Variants in EIF3L observed in about 807,000 individuals in gnomAD.
EIF3L encodes eukaryotic translation initiation factor 3 subunit L, also known as eIEF associated protein HSPC021.
A neutral mutation model predicts 74.6 loss-of-function variants in EIF3L; 32 were observed. The observed-to-expected ratio is 0.43, with a 90% CI of 0.32 to 0.58. The LOEUF (loss-of-function observed/expected upper bound fraction) is 0.58. Ranked by LOEUF, EIF3L falls within the 20% of genes least tolerant of loss-of-function variation. The probability of loss-of-function intolerance (pLI) is 0.06; values close to 1 mark genes in which losing one functional copy is unlikely to be tolerated. For missense variants in EIF3L, 474 were observed against 707.8 expected, an observed-to-expected ratio of 0.67 and a Z score of 3.75; for synonymous variants, 256 against 254.4, an observed-to-expected ratio of 1.01 and a Z score of -0.06.
intron 7 of EIF3L, among the ~76,000 whole-genome samples, chr22:37,867,080 C>G (rs1243428879): frequency 6.6e-6 from 1 of 152,002 alleles, no homozygotes; most frequent in Non-Finnish European, 1.5e-5. Flanking sequence ...CTTTATGGTC[C>G]AGGCTGGAGT....
rs1206886812 is a variant in EIF3L, at chr22:37,855,592, C to A, written c.321C>A (p.Phe107Leu). The A allele has an allele frequency of 1.2e-6, 2 of 1,614,144 alleles. No homozygotes were observed. Among genetic ancestry groups the A allele is most frequent in the Non-Finnish European group, 1.7e-6 (2 of 1,180,014 alleles). ...GGACCAAGCTGACTGAAAGATTCTT[C>A]AAGAATACACCTTGGCCCGAGGCTG... ...NSWTKLTERF[F>L]KNTPWPEAEA... is the part of the protein sequence containing the mutation. The change falls in exon 4 of 13, where the codon TTC becomes TTA. Residue 107 changes from phenylalanine (F) to leucine (L), a missense_variant. Phe to Leu is a conservative substitution (Grantham distance 22). This residue lies in a region of EIF3L where 141 missense variants were observed against 197.7 expected (regional missense o/e 0.71). Transcript: ENST00000652021.
intron 11 of EIF3L, 144 bp downstream of exon 11, chr22:37,878,315 T>C: frequency 2.8e-6 from 3 of 1,056,026 alleles, no homozygotes; most frequent in Non-Finnish European, 4.0e-6. Context: ...TGGTGGCTCA[T>C]GCCAGTAATA....
chr22:37,875,816 ATGTT>A, intron 9 of EIF3L, 21 bp from the exon 10 acceptor site: 1 of 1,601,062 alleles, frequency 6.2e-7, no homozygotes. Flanking sequence ...GGACTCATGA[ATGTT>A]TGTTCTACCT....
intron 1 of EIF3L, 32 bp from the exon 2 acceptor site, chr22:37,849,983 G>T (rs376184158): frequency 6.2e-7 from 1 of 1,613,274 alleles, no homozygotes; most frequent in Non-Finnish European, 8.5e-7. Flanking sequence ...ACGACTTGGC[G>T]GCTGTCCTTG....
intron 12 of EIF3L, 151 bp from the exon 13 acceptor site, chr22:37,888,275 G>T: frequency 1.4e-6 from 1 of 715,986 alleles, no homozygotes; most frequent in East Asian, 2.5e-5. Context: ...GAATGTCACG[G>T]CTTTGCACAC....
At chr22:37,870,122 G>A (rs894137118) in intron 7 of EIF3L, 54 bp from the exon 8 acceptor site, 2 of 1,483,808 alleles carry the variant, frequency 1.3e-6, no homozygotes, top group African/African-American at 2.8e-5. Context: ...TGTGGACATG[G>A]ATGATCACTT....
chr22:37,850,122 T>A, intron 2 of EIF3L, 59 bp downstream of exon 2: 3 of 1,593,472 alleles, frequency 1.9e-6, no homozygotes, highest in Non-Finnish European at 2.6e-6. Flanking sequence ...TTGGAATGTC[T>A]TAGAACCAGC....
intron 5 of EIF3L, among the ~76,000 whole-genome samples, chr22:37,862,058 A>G (rs903300272): frequency 6.6e-6 from 1 of 151,850 alleles, no homozygotes; most frequent in African/African-American, 2.4e-5. Flanking sequence ...CTGTTCTCAA[A>G]CTCCTGGCCT....
intron 5 of EIF3L, among the ~76,000 whole-genome samples, chr22:37,859,227 C>G (rs1189176266): frequency 6.6e-6 from 1 of 151,864 alleles, no homozygotes. Flanking sequence ...GTTACCTTTT[C>G]TCAAATTTAT....
intron 9 of EIF3L, 97 bp from the exon 10 acceptor site, chr22:37,875,744 T>A: frequency 8.4e-7 from 1 of 1,189,558 alleles, no homozygotes; most frequent in Non-Finnish European, 1.2e-6. Flanking sequence ...TCTGGATAGT[T>A]GAGGGCCTCT....
chr22:37,864,744 G>T (rs971740326), intron 7 of EIF3L, among the ~76,000 whole-genome samples: 4 of 152,084 alleles, frequency 2.6e-5, no homozygotes, highest in Non-Finnish European at 4.4e-5. Flanking sequence ...TCTCCATGTT[G>T]ACCAGGCTGG....
At chr22:37,855,242 A>G (rs1183917860) in intron 3 of EIF3L, among the ~76,000 whole-genome samples, 1 of 152,192 alleles carries the variant, frequency 6.6e-6, no homozygotes, top group East Asian at 1.9e-4. Flanking sequence ...CGCTGTGTTA[A>G]AGAATGGTGG....
chr22:37,876,594 C>T (rs1189156053), intron 10 of EIF3L: 1 of 152,222 alleles, frequency 6.6e-6, no homozygotes, highest in Non-Finnish European at 1.5e-5. Flanking sequence ...GCCACCACGC[C>T]CAGCCAAAAT....
intron 12 of EIF3L, 200 bp from the exon 13 acceptor site, chr22:37,888,226 G>T (rs941174408): frequency 7.3e-6 from 4 of 549,426 alleles, no homozygotes; most frequent in Non-Finnish European, 1.3e-5. Context: ...GTGAAGGGCA[G>T]ATAAAAGAAT....
intron 4 of EIF3L, 100 bp from the exon 5 acceptor site, chr22:37,858,579 G>A (rs1190888737): frequency 1.9e-6 from 2 of 1,035,668 alleles, no homozygotes; most frequent in Non-Finnish European, 2.9e-6. Context: ...ATGTTGTTTA[G>A]TCTTCAGAAT....
intron 2 of EIF3L, 32 bp downstream of exon 2, chr22:37,850,095 C>T (rs368141450): frequency 2.8e-5 from 45 of 1,611,416 alleles, no homozygotes; most frequent in Non-Finnish European, 3.8e-5. Context: ...GCTGAGTACT[C>T]GTAGGGATCA....
At chr22:37,854,585 A>G (rs1472948237) in intron 3 of EIF3L, among the ~76,000 whole-genome samples, 1 of 152,204 alleles carries the variant, frequency 6.6e-6, no homozygotes, top group Non-Finnish European at 1.5e-5. Context: ...CTCCTGCCTC[A>G]GCTTCCCAAG....
At chr22:37,860,283 T>G (rs1243151376) in intron 5 of EIF3L, among the ~76,000 whole-genome samples, 1 of 152,114 alleles carries the variant, frequency 6.6e-6, no homozygotes, top group African/African-American at 2.4e-5. Flanking sequence ...TATTCTTGAC[T>G]TTTCTCTGAC....
At chr22:37,867,970 A>AT (rs1299701333) in intron 7 of EIF3L, among the ~76,000 whole-genome samples, 2 of 151,076 alleles carry the variant, frequency 1.3e-5, no homozygotes, top group Non-Finnish European at 2.9e-5. Flanking sequence ...AAAAAAAAAA[A>AT]GAAAAAGAAA....
Sources: gnomAD v4.1 joint callset for allele counts (sites outside exome capture counted in the v4.1 genomes callset) on GRCh38, gnomAD v4.1.1 for gene constraint, gnomAD v4.1.1 regional missense constraint, MANE v1.5 for transcripts, NCBI Gene and HGNC (gene_info 2026-07-23, HGNC 2026-07-21) for gene names.